Variants in CCER2 observed in about 807,000 individuals in gnomAD.
CCER2 encodes coiled-coil glutamate rich protein 2.
In CCER2, 20 loss-of-function variants were observed where a neutral mutation model predicts 27.1. That is an observed-to-expected ratio of 0.74 (90% CI 0.52 to 1.07). The LOEUF is 1.07. Ranked by LOEUF, CCER2 falls within the 50% of genes least tolerant of loss-of-function variation. CCER2 has a pLI of 0.00. For synonymous variants in CCER2, 140 were observed against 144.3 expected, an observed-to-expected ratio of 0.97 and a Z score of 0.21; for missense variants, 351 against 344.7, an observed-to-expected ratio of 1.02 and a Z score of -0.14.
chr19:38,909,407 G>C (rs1202796042), intron 4 of CCER2, 82 bp from the exon 5 acceptor site: 10 of 1,274,184 alleles, frequency 7.8e-6, no homozygotes, highest in African/African-American at 3.3e-5. Context: ...GGCCATGTCG[G>C]TTCTCATAGT....
chr19:38,909,495 G>A (rs1350923915), intron 4 of CCER2, among the ~76,000 whole-genome samples, 170 bp from the exon 5 acceptor site: 1 of 152,186 alleles, frequency 6.6e-6, no homozygotes, highest in Non-Finnish European at 1.5e-5. Context: ...CGGAAGAGTG[G>A]TGCTGGCTAA....
At chr19:38,911,538 G>A (rs1465722132) in intron 3 of CCER2, 28 bp downstream of exon 3, 2 of 1,528,130 alleles carry the variant, frequency 1.3e-6, no homozygotes, top group Non-Finnish European at 8.8e-7. Flanking sequence ...GGGTTGTGGA[G>A]GGCAAGTGGG....
At position 38,911,830 on chromosome 19, in the gene CCER2, C is replaced by T. The variant is rs1037154095; in HGVS notation, c.84G>A (p.Pro28=). The change falls in exon 2 of 5, where the codon CCG becomes CCA. Residue 28 remains proline, a synonymous_variant. Transcript: ENST00000571838. ...TCCTCACCTCCTCCTTGGAGGGTCTCGGTGCCAAGGGAGCAGCGGTGGCTG... is the reference window on the plus strand; with the variant it reads ...TCCTCACCTCCTCCTTGGAGGGTCTTGGTGCCAAGGGAGCAGCGGTGGCTG... ...LGAATAAPLA[P]RPSKEELTRC... 29 of 1,535,274 alleles carry T rather than the reference C, an allele frequency of 1.9e-5. No homozygotes were observed. Among genetic ancestry groups the T allele is most frequent in the Middle Eastern group, 1.7e-4 (1 of 5,906 alleles).
At position 38,911,056 on chromosome 19, in the gene CCER2, CA is replaced by C. The variant is rs1974298918; in HGVS notation, c.217del (p.Cys73ValfsTer22). 6.8e-7 allele frequency: 1 copy of C among 1,462,360 alleles called. No individual in the cohort carries two copies. Among genetic ancestry groups the C allele is most frequent in the African/African-American group, 1.4e-5 (1 of 70,422 alleles). 90.6% of individuals were successfully genotyped at this position (1,462,360 alleles called of 1,614,324 possible). A position where few individuals can be genotyped will look rare whatever the true frequency, so the allele number is the denominator to read the frequency against. ...CAGGCCTTTCTCCTCGGTGGACGCA[CA>C]GCCGTGGGGCTCTGTCCCGCACAAC... ...KELCGTEPHG[C>X]ASTEEKGLLL... On this transcript the variant is annotated frameshift_variant, in exon 4 of 5. Coordinates refer to ENST00000571838, the MANE Select transcript of CCER2 (RefSeq NM_001243212.2). LOFTEE classifies it high-confidence loss of function.
intron 4 of CCER2, among the ~76,000 whole-genome samples, chr19:38,909,685 G>A (rs1974263944): frequency 6.6e-6 from 1 of 152,098 alleles, no homozygotes. Flanking sequence ...TGATTCTCCT[G>A]CTTCAGCCTC....
Position 38,909,345 on chromosome 19 carries a change from G to C in CCER2, c.712-20C>G. The C allele has an allele frequency of 6.5e-7, 1 of 1,534,934 alleles. No individual in the cohort carries two copies. Among genetic ancestry groups the C allele is most frequent in the Non-Finnish European group, 8.7e-7 (1 of 1,146,270 alleles). ...CTTTTCCTGGTGGGGTCAGAAACGG[G>C]GTAGTCAGCACCCACCTTCAAAGGC... is the stretch of plus-strand genomic sequence containing the variant. On this transcript the variant is annotated intron_variant, in intron 4 of 4. Coordinates refer to ENST00000571838, the MANE Select transcript of CCER2 (RefSeq NM_001243212.2).
chr19:38,910,016 C>A (rs766583606), intron 4 of CCER2, among the ~76,000 whole-genome samples: 1 of 152,114 alleles, frequency 6.6e-6, no homozygotes, highest in East Asian at 1.9e-4. Context: ...GGACCACAGG[C>A]GTGCGCCACC....
At position 38,909,231 on chromosome 19, in the gene CCER2, A is replaced by G. The variant is rs887380170; in HGVS notation, c.*5T>C. ...GTCAGGAGGAAGGAGGGACTGAGGTAGGGGTCAGCCCTCCCTCCTGAGCTG... is the reference window on the plus strand; with the variant it reads ...GTCAGGAGGAAGGAGGGACTGAGGTGGGGGTCAGCCCTCCCTCCTGAGCTG... On this transcript the variant is annotated 3_prime_UTR_variant, in exon 5 of 5. Transcript: ENST00000571838. 3 of 1,534,912 alleles carry G rather than the reference A, an allele frequency of 2.0e-6. No individual in the cohort carries two copies. Among genetic ancestry groups the G allele is most frequent in the African/African-American group, 1.4e-5 (1 of 73,012 alleles).
chr19:38,911,230 C>A, intron 3 of CCER2, 147 bp from the exon 4 acceptor site: 1 of 883,912 alleles, frequency 1.1e-6, no homozygotes, highest in Non-Finnish European at 1.6e-6. Flanking sequence ...AAACTGAGGC[C>A]TTGAGGAGTT....
Position 38,910,677 on chromosome 19 carries a change from C to A in CCER2, c.597G>T (p.Gln199His). The A allele has an allele frequency of 6.5e-7, 1 of 1,533,646 alleles. No homozygotes were observed. Among genetic ancestry groups the A allele is most frequent in the Non-Finnish European group, 8.7e-7 (1 of 1,145,700 alleles). The change falls in exon 4 of 5, where the codon CAG becomes CAT. Residue 199 changes from glutamine (Q) to histidine (H), a missense_variant. Coordinates refer to ENST00000571838, the MANE Select transcript of CCER2 (RefSeq NM_001243212.2). ...RVLGGDRSLWQGAERGGGERR... is the reference protein window; with the variant it reads ...RVLGGDRSLWHGAERGGGERR... ...TCTCTCCTCCGCCTCTCTCGGCCCC[C>A]TGCCACAGGCTGCGGTCCCCGCCCA...
At chr19:38,910,394 C>A (rs1388109016) in intron 4 of CCER2, among the ~76,000 whole-genome samples, 169 bp downstream of exon 4, 2 of 152,196 alleles carry the variant, frequency 1.3e-5, no homozygotes, top group African/African-American at 4.8e-5. Flanking sequence ...AAAGGCCTTG[C>A]ACGGAAGTTG....
intron 3 of CCER2, 150 bp downstream of exon 3, chr19:38,911,416 G>A: frequency 1.4e-6 from 1 of 709,466 alleles, no homozygotes; most frequent in Non-Finnish European, 2.3e-6. Flanking sequence ...GTGCCCCGCT[G>A]GTCCAGGCAA....
At chr19:38,910,037 A>G (rs1335893692) in intron 4 of CCER2, among the ~76,000 whole-genome samples, 1 of 151,882 alleles carries the variant, frequency 6.6e-6, no homozygotes. Context: ...ATTGCTGGCT[A>G]ATTTTTTAAA....
intron 3 of CCER2, among the ~76,000 whole-genome samples, 191 bp downstream of exon 3, chr19:38,911,375 G>A (rs2089133770): frequency 6.6e-6 from 1 of 152,206 alleles, no homozygotes; most frequent in Non-Finnish European, 1.5e-5. Context: ...GTTGCTGGTG[G>A]CCAGGCTCTG....
intron 4 of CCER2, 87 bp from the exon 5 acceptor site, chr19:38,909,412 C>G: frequency 8.3e-7 from 1 of 1,210,278 alleles, no homozygotes; most frequent in Non-Finnish European, 1.1e-6. Flanking sequence ...TGTCGGTTCT[C>G]ATAGTGGCAT....
At position 38,911,559 on chromosome 19, in the gene CCER2, TC is replaced by T; in HGVS notation, c.190+6del. 6.5e-7 allele frequency: 1 copy of T among 1,534,928 alleles called. No individual in the cohort carries two copies. Among genetic ancestry groups the T allele is most frequent in the South Asian group, 1.2e-5 (1 of 84,028 alleles). On this transcript the variant is annotated splice_donor_region_variant and intron_variant, in intron 3 of 4. Transcript: ENST00000571838. ...TGGAGGGCAAGTGGGGCCCGGGGCCTCCTTACCCTTGTGGAGAAGAGCAGTG... is the reference window on the plus strand; with the variant it reads ...TGGAGGGCAAGTGGGGCCCGGGGCCTCTTACCCTTGTGGAGAAGAGCAGTG...
intron 2 of CCER2, 39 bp from the exon 3 acceptor site, chr19:38,911,692 G>A (rs2144752274): frequency 6.5e-7 from 1 of 1,530,986 alleles, no homozygotes; most frequent in East Asian, 2.4e-5. Context: ...GGAGGTTGAG[G>A]GCAGGGGAGA....
intron 4 of CCER2, 25 bp from the exon 5 acceptor site, chr19:38,909,350 T>G: frequency 6.4e-5 from 98 of 1,532,476 alleles, no homozygotes; most frequent in Non-Finnish European, 8.0e-5. Flanking sequence ...AACGGGGTAG[T>G]CAGCACCCAC....
rs569029352 is a variant in CCER2 at position 38,911,840 on chromosome 19, G to A, written c.74C>T (p.Pro25Leu). 303 of 1,535,212 alleles carry A rather than the reference G, an allele frequency of 2.0e-4. No homozygotes were observed. The highest frequency in any genetic ancestry group is 8.0e-4 in the South Asian group (67 of 84,038). ...CTCCTTGGAGGGTCTCGGTGCCAAG[G>A]GAGCAGCGGTGGCTGTGGAGAAAGG... Reference protein sequence around the residue: ...LLLLGAATAAPLAPRPSKEEL... With the variant: ...LLLLGAATAALLAPRPSKEEL... The change falls in exon 2 of 5, where the codon CCC becomes CTC. Residue 25 changes from proline to leucine, a missense_variant. Coordinates refer to ENST00000571838, the MANE Select transcript of CCER2 (RefSeq NM_001243212.2).
Sources: allele counts gnomAD v4.1 joint callset (sites outside exome capture counted in the v4.1 genomes callset), GRCh38; gene constraint gnomAD v4.1.1; transcripts MANE v1.5; gene names NCBI Gene and HGNC (gene_info 2026-07-23, HGNC 2026-07-21).